Variants in PCNX2 observed in about 807,000 individuals in gnomAD.
PCNX2 encodes pecanex 2, also known as pecanex-like protein 2.
PCNX2 carries 168 observed loss-of-function variants against 223.8 expected under a neutral mutation model. That is an observed-to-expected ratio of 0.75 (90% confidence interval 0.66 to 0.85). PCNX2 has a LOEUF of 0.85. Ranked by LOEUF, PCNX2 falls within the 40% of genes least tolerant of loss-of-function variation. The pLI is 0.00. For synonymous variants in PCNX2, 1,006 were observed against 1,052.6 expected, an observed-to-expected ratio of 0.96 and a Z score of 0.86; for missense variants, 2,507 against 2,675.5, an observed-to-expected ratio of 0.94 and a Z score of 1.39.
Position 232,999,327 on chromosome 1 carries a change from A to T in PCNX2, c.5381T>A (p.Ile1794Lys). The change falls in exon 31 of 34, where the codon ATA becomes AAA. Residue 1794 changes from isoleucine to lysine, a missense_variant. By Grantham distance (102) the Ile-to-Lys change is moderately radical. Transcript: ENST00000258229. The part of the protein sequence containing the change: ...GLWAGQQQEL[I>K]FLRNRNPERG... Reference sequence around the variant, plus strand: ...CTCCGGATTGCGGTTGCGAAGAAATATAAGCTCCTGCTGCTGCCCGGCCCA... The same window carrying T: ...CTCCGGATTGCGGTTGCGAAGAAATTTAAGCTCCTGCTGCTGCCCGGCCCA... 6.2e-7 allele frequency: 1 copy of T among 1,603,974 alleles called. No individual in the cohort carries two copies. Among genetic ancestry groups the T allele is most frequent in the Admixed American group, 1.7e-5 (1 of 58,462 alleles).
chr1:233,154,754 C>A (rs1371665234), intron 19 of PCNX2, among the ~76,000 whole-genome samples: 4 of 152,140 alleles, frequency 2.6e-5, no homozygotes, highest in East Asian at 1.9e-4. Flanking sequence ...TTACTTCTTT[C>A]TTTTTACTTT....
Position 233,126,797 on chromosome 1 carries a change from T to C in PCNX2, c.3837+8216A>G, listed in dbSNP as rs909312906. ...TTATGGCTCTCGTTCCACAATCTAA[T>C]ACATCAAAGCTAACATCCTTTTCCC... is the stretch of plus-strand genomic sequence containing the variant. On this transcript the variant is annotated intron_variant, in intron 21 of 33. Coordinates refer to ENST00000258229, the MANE Select transcript of PCNX2 (RefSeq NM_014801.4). The surrounding 1 kb of genome is among the most constrained non-coding windows in gnomAD (Gnocchi z 4.8). Among the ~76,000 whole-genome samples, 2 of 152,194 alleles carry C rather than the reference T, an allele frequency of 1.3e-5. No individual in the cohort carries two copies. Among genetic ancestry groups the C allele is most frequent in the African/African-American group, 2.4e-5 (1 of 41,448 alleles).
At position 233,130,465 on chromosome 1, in the gene PCNX2, T is replaced by TTGTGTGTGTGTG. The variant is rs55865610; in HGVS notation, c.3837+4536_3837+4547dup. Among the ~76,000 whole-genome samples, 561 of 136,452 alleles carry TTGTGTGTGTGTG rather than the reference T, an allele frequency of 4.1e-3. 3 individuals are homozygous for TTGTGTGTGTGTG. Among genetic ancestry groups the TTGTGTGTGTGTG allele is most frequent in the East Asian group, 6.5e-3 (29 of 4,462 alleles). The allele number at this position is 136,452 out of a possible 152,430, so 89.5% of individuals were successfully genotyped here. On this transcript the variant is annotated intron_variant, in intron 21 of 33. Transcript: ENST00000258229. ...ACTCAATATTTCTGCCCCCCAACTT[T>TTGTGTGTGTGTG]TGTGTGTGTGTGTGTGTGTGTGTGT...
intron 25 of PCNX2, chr1:233,025,626 A>T (rs1671057312): frequency 1.7e-6 from 1 of 583,136 alleles, no homozygotes; most frequent in Non-Finnish European, 2.9e-6. Flanking sequence ...AAATATATTT[A>T]AACGATTTAA....
intron 15 of PCNX2, among the ~76,000 whole-genome samples, chr1:233,180,569 T>C (rs989005358): frequency 1.3e-5 from 2 of 152,182 alleles, no homozygotes; most frequent in African/African-American, 4.8e-5. Context: ...AATCTACAAA[T>C]GAATGAGTCA....
chr1:232,997,103 C>T (rs1669903129), intron 32 of PCNX2, among the ~76,000 whole-genome samples: 1 of 152,180 alleles, frequency 6.6e-6, no homozygotes. Flanking sequence ...CCCTGCCCCG[C>T]CTTTTTCCCC....
chr1:233,223,470 G>C (rs1360570098), intron 10 of PCNX2, among the ~76,000 whole-genome samples: 1 of 152,148 alleles, frequency 6.6e-6, no homozygotes, highest in African/African-American at 2.4e-5. Flanking sequence ...AATACTTTAA[G>C]TTCTGGGATA....
intron 1 of PCNX2, chr1:233,288,829 T>TTG: frequency 1.4e-6 from 1 of 697,452 alleles, no homozygotes; most frequent in Non-Finnish European, 2.3e-6. Context: ...TTTTTTTTAC[T>TTG]GTGAATATAT....
chr1:233,027,132 A>T (rs1671106570), intron 25 of PCNX2, among the ~76,000 whole-genome samples: 1 of 152,194 alleles, frequency 6.6e-6, no homozygotes, highest in South Asian at 2.1e-4. Flanking sequence ...GTCCCAAAAG[A>T]CAAGTGAAAA....
At chr1:233,285,619 G>A (rs558267297) in intron 1 of PCNX2, among the ~76,000 whole-genome samples, 4 of 152,284 alleles carry the variant, frequency 2.6e-5, no homozygotes, top group South Asian at 2.1e-4. Flanking sequence ...AGGTTGCAGC[G>A]ACCTGAGATC....
chr1:233,017,289 C>A, intron 26 of PCNX2, 135 bp from the exon 27 acceptor site: 2 of 500,140 alleles, frequency 4.0e-6, no homozygotes, highest in Non-Finnish European at 7.0e-6. Flanking sequence ...ATGCACAGAA[C>A]TCATTTGAGA....
intron 19 of PCNX2, among the ~76,000 whole-genome samples, chr1:233,150,234 TGAG>T (rs1677717257): frequency 6.6e-6 from 1 of 152,236 alleles, no homozygotes; most frequent in Non-Finnish European, 1.5e-5. Flanking sequence ...GAACAAAGTC[TGAG>T]GAGAAGCTGG....
chr1:233,115,542 G>C (rs918724744), intron 21 of PCNX2, among the ~76,000 whole-genome samples: 2 of 152,164 alleles, frequency 1.3e-5, no homozygotes, highest in African/African-American at 4.8e-5. Context: ...TCTTACCTCA[G>C]TTCCTGTCAC....
In PCNX2 at chr1:233,295,595, GCCGCCGTCGCCC is replaced by G. The variant is rs954102708; in HGVS notation, c.-129_-118del. The G allele has an allele frequency of 2.4e-5, 26 of 1,104,012 alleles. No individual in the cohort carries two copies. The highest frequency in any genetic ancestry group is 7.2e-5 in the South Asian group (2 of 27,628). The allele number at this position is 1,104,012 out of a possible 1,614,324, so 68.4% of individuals were successfully genotyped here. On this transcript the variant is annotated 5_prime_UTR_variant, in exon 1 of 34. Coordinates refer to ENST00000258229, the MANE Select transcript of PCNX2 (RefSeq NM_014801.4). This position sits in a 1 kb window ranked among gnomAD's most constrained non-coding sequence, Gnocchi z 4.1. ...CGCGGGCCGCGCCCCCGCCGTCGCC[GCCGCCGTCGCCC>G]CCGCCGCCTCCTTCCACCCCACGTT...
At chr1:233,038,863 A>G (rs930429218) in intron 25 of PCNX2, among the ~76,000 whole-genome samples, 1 of 152,242 alleles carries the variant, frequency 6.6e-6, no homozygotes, top group Non-Finnish European at 1.5e-5. Context: ...GGTGTTAGCC[A>G]AACTATGAGA....
At chr1:233,213,817 T>G (rs965985249) in intron 12 of PCNX2, among the ~76,000 whole-genome samples, 2 of 30,318 alleles carry the variant, frequency 6.6e-5, no homozygotes, top group Non-Finnish European at 1.3e-4. Flanking sequence ...CAGTGCACTC[T>G]TTTTTTTTTT....
rs563213387 is a variant in PCNX2, at chr1:233,117,860, A to G, written c.3837+17153T>C. Among the ~76,000 whole-genome samples, 771 of 150,602 alleles carry G rather than the reference A, an allele frequency of 5.1e-3. 2 individuals are homozygous for G. Among genetic ancestry groups the G allele is most frequent in the Non-Finnish European group, 8.4e-3 (569 of 67,620 alleles). On this transcript the variant is annotated intron_variant, in intron 21 of 33. Transcript: ENST00000258229. ...CCCGTCTCTACTAAAAATACAAAAA[A>G]TTAGCCGGGCGTAGTGGCGGGCGCC...
rs79277285 is a variant in PCNX2 at position 233,237,144 on chromosome 1, T to C, written c.2223-164A>G. ...GAGTTTAAAATTATGTATACAAGGC[T>C]ACCTTCAGGTAGAAGGTCAATTACC... On this transcript the variant is annotated intron_variant, in intron 8 of 33. Transcript: ENST00000258229. Among the ~76,000 whole-genome samples, 1,200 of 152,318 alleles carry C rather than the reference T, an allele frequency of 7.9e-3. 16 individuals carry two copies. The highest frequency in any genetic ancestry group is 0.027 in the African/African-American group (1,141 of 41,570).
intron 15 of PCNX2, among the ~76,000 whole-genome samples, chr1:233,192,402 A>C (rs530646124): frequency 1.3e-5 from 2 of 152,308 alleles, no homozygotes; most frequent in African/African-American, 4.8e-5. Context: ...GACTGTCCTA[A>C]TATTAAATCT....
Sources: gnomAD v4.1 joint callset for allele counts (sites outside exome capture counted in the v4.1 genomes callset) on GRCh38, gnomAD v4.1.1 for gene constraint, Gnocchi (gnomAD v3.1) non-coding constraint, MANE v1.5 for transcripts, NCBI Gene and HGNC (gene_info 2026-07-23, HGNC 2026-07-21) for gene names.